Variants in CCDC144A observed in about 807,000 individuals in gnomAD.
CCDC144A encodes coiled-coil domain containing 144A.
In CCDC144A, 41 loss-of-function variants were observed where a neutral mutation model predicts 143.8. That is an observed-to-expected ratio of 0.29 (90% confidence interval 0.22 to 0.37). The LOEUF is 0.37. CCDC144A is among the 10% of genes least tolerant of loss of function. CCDC144A has a pLI of 1.00. For missense variants in CCDC144A, 637 were observed against 1,488.8 expected (o/e 0.43, Z 9.41); for synonymous variants, 242 against 517.9 (o/e 0.47, Z 7.23).
At chr17:16,678,751 G>GTT in the CCDC144A span, among the ~76,000 whole-genome samples, 3,235 of 78,056 alleles carry the variant, frequency 0.041, 92 homozygotes, top group Middle Eastern at 0.096. Flanking sequence ...TGGCTAATTT[G>GTT]TTTTTTTTTT....
the CCDC144A span, among the ~76,000 whole-genome samples, chr17:16,673,289 G>A: frequency 5.3e-5 from 8 of 151,710 alleles, no homozygotes; most frequent in South Asian, 6.3e-4. Flanking sequence ...TACTGTTCTC[G>A]GTACTTGTTT....
intron 12 of CCDC144A, among the ~76,000 whole-genome samples, chr17:16,754,980 C>T (rs1237481705): frequency 6.6e-6 from 1 of 152,116 alleles, no homozygotes; most frequent in Non-Finnish European, 1.5e-5. Flanking sequence ...TTATATAATG[C>T]CCTTCTCTTT....
chr17:16,718,994 G>A (rs990244894), intron 6 of CCDC144A, among the ~76,000 whole-genome samples: 1 of 143,848 alleles, frequency 7.0e-6, no homozygotes, highest in Non-Finnish European at 1.5e-5. Flanking sequence ...ACCGTGCCCA[G>A]CTAATTTTTG....
the CCDC144A span, among the ~76,000 whole-genome samples, chr17:16,676,416 CAGG>C: frequency 3.3e-5 from 5 of 150,284 alleles, no homozygotes; most frequent in African/African-American, 1.2e-4. Context: ...GAGGCTGAGG[CAGG>C]AGAATGGTGT....
rs182483888 is a variant in CCDC144A at position 16,742,130 on chromosome 17, A to G, written c.3372+6487A>G. Reference sequence around the variant, plus strand: ...ATTAGTTAACCATATTCACCCTACAATGCAACAGAACACTAGAATTCATTC... The same window carrying G: ...ATTAGTTAACCATATTCACCCTACAGTGCAACAGAACACTAGAATTCATTC... On this transcript the variant is annotated intron_variant, in intron 12 of 16. Coordinates refer to ENST00000399273, the MANE Select transcript of CCDC144A (RefSeq NM_001382000.1). Among the ~76,000 whole-genome samples the G allele has an allele frequency of 7.7e-3, 1,178 of 152,134 alleles. 10 individuals are homozygous for G. The highest frequency in any genetic ancestry group is 0.013 in the Admixed American group (199 of 15,294).
intron 2 of CCDC144A, among the ~76,000 whole-genome samples, chr17:16,703,587 G>A (rs1175830385): frequency 1.3e-5 from 2 of 152,156 alleles, no homozygotes; most frequent in African/African-American, 4.8e-5. Context: ...GGCGGATTAC[G>A]AGGTCAGGAG....
chr17:16,757,372 G>A (rs10438715), intron 12 of CCDC144A, among the ~76,000 whole-genome samples: 24,409 of 150,962 alleles, frequency 0.16, 2,248 homozygotes, highest in African/African-American at 0.35. Flanking sequence ...AGGAGCCTTT[G>A]CCAGTGGCTG....
At chr17:16,728,921 C>T (rs571937962) in intron 9 of CCDC144A, among the ~76,000 whole-genome samples, 132 of 152,254 alleles carry the variant, frequency 8.7e-4, no homozygotes, top group African/African-American at 3.1e-3. Context: ...GACATTATTT[C>T]ATTCTTCTTA....
intron 5 of CCDC144A, among the ~76,000 whole-genome samples, chr17:16,711,144 A>AAAAAAAAAAC (rs1912397211): frequency 7.4e-6 from 1 of 135,482 alleles, no homozygotes; most frequent in Non-Finnish European, 1.6e-5. Flanking sequence ...ATGAAAAAAA[A>AAAAAAAAAAC]AAAAAAAAAA....
At chr17:16,745,509 T>G in intron 12 of CCDC144A, 1 of 1,191,104 alleles carries the variant, frequency 8.4e-7, no homozygotes, top group Non-Finnish European at 1.2e-6. Context: ...TGTCACCCTC[T>G]GTATTTTTAG....
chr17:16,769,793 A>T (rs1301479203), intron 15 of CCDC144A, among the ~76,000 whole-genome samples: 139 of 145,990 alleles, frequency 9.5e-4, no homozygotes, highest in Admixed American at 5.5e-4. Flanking sequence ...ATTATAGAGC[A>T]TCATGACAGT....
Position 16,762,503 on chromosome 17 carries a change from T to C in CCDC144A, c.3857T>C (p.Val1286Ala). ...GAACTCTACCTAGAAGAAGTGAAAG[T>C]TAGAGAATCCTTGTCAAATGAACTC... is the stretch of plus-strand genomic sequence containing the variant. Reference protein sequence around the residue: ...YKELYLEEVKVRESLSNELSR... With the variant: ...YKELYLEEVKARESLSNELSR... The change falls in exon 14 of 17, where the codon GTT becomes GCT. Residue 1286 changes from valine to alanine, a missense_variant. Physicochemically the swap from Val to Ala is moderately conservative, Grantham distance 64. Coordinates refer to ENST00000399273, the MANE Select transcript of CCDC144A (RefSeq NM_001382000.1). The C allele has an allele frequency of 6.3e-7, 1 of 1,593,112 alleles. No homozygotes were observed. The highest frequency in any genetic ancestry group is 8.5e-7 in the Non-Finnish European group (1 of 1,170,354).
the CCDC144A span, among the ~76,000 whole-genome samples, chr17:16,682,544 C>T: frequency 6.6e-6 from 1 of 151,630 alleles, no homozygotes; most frequent in Non-Finnish European, 1.5e-5. Context: ...AAGATAAGTC[C>T]AGGTCCTGAG....
At chr17:16,685,363 G>A (rs8081676), upstream of CCDC144A, among the ~76,000 whole-genome samples, 3,937 of 151,232 alleles carry the variant, frequency 0.026, 163 homozygotes, top group African/African-American at 0.091. Flanking sequence ...AACTTCCAAC[G>A]CCGTTTTTTG....
rs565605515 is a variant in CCDC144A, at chr17:16,721,166, A to G, written c.1891+508A>G. Among the ~76,000 whole-genome samples, 294 of 151,868 alleles carry G rather than the reference A, an allele frequency of 1.9e-3. 3 individuals carry two copies. Among genetic ancestry groups the G allele is most frequent in the Non-Finnish European group, 3.6e-3 (241 of 67,848 alleles). Reference sequence around the variant, plus strand: ...TTCTCTGTGTCCCACTCTGTGTCTTATATGTTTGTTCCAGCACTGATAGCT... The same window carrying G: ...TTCTCTGTGTCCCACTCTGTGTCTTGTATGTTTGTTCCAGCACTGATAGCT... On this transcript the variant is annotated intron_variant, in intron 8 of 16. Coordinates refer to ENST00000399273, the MANE Select transcript of CCDC144A (RefSeq NM_001382000.1).
At chr17:16,680,148 G>T in the CCDC144A span, among the ~76,000 whole-genome samples, 2 of 151,850 alleles carry the variant, frequency 1.3e-5, no homozygotes, top group South Asian at 2.1e-4. Context: ...CAACCTTTTG[G>T]CTGGGCATGG....
chr17:16,680,368 C>T, the CCDC144A span, among the ~76,000 whole-genome samples: 837 of 152,032 alleles, frequency 5.5e-3, 10 homozygotes, highest in African/African-American at 0.019. Context: ...ATTGAGGCTG[C>T]AGAAGGTAAA....
chr17:16,769,226 C>A (rs1474820542), intron 15 of CCDC144A, among the ~76,000 whole-genome samples: 1 of 152,168 alleles, frequency 6.6e-6, no homozygotes, highest in Non-Finnish European at 1.5e-5. Flanking sequence ...GACCCTGAGC[C>A]AAGCAAGCAC....
intron 2 of CCDC144A, among the ~76,000 whole-genome samples, chr17:16,698,427 T>G (rs1407625488): frequency 6.6e-6 from 1 of 152,194 alleles, no homozygotes; most frequent in Non-Finnish European, 1.5e-5. Flanking sequence ...GCTGTTTATG[T>G]GATCAGTACT....
Sources: allele counts gnomAD v4.1 joint callset (sites outside exome capture counted in the v4.1 genomes callset), GRCh38; gene constraint gnomAD v4.1.1; transcripts MANE v1.5; gene names NCBI Gene and HGNC (gene_info 2026-07-23, HGNC 2026-07-21).